The following LRRIQ1 variants were observed in gnomAD, a reference collection of about 807,000 sequenced individuals.
The protein encoded by LRRIQ1 is leucine-rich repeat- and IQ domain-containing protein 1.
LRRIQ1 carries 210 observed loss-of-function variants against 211.9 expected under a neutral mutation model. That is an observed-to-expected ratio of 0.99 (90% CI 0.89 to 1.11). The LOEUF (loss-of-function observed/expected upper bound fraction) is 1.11, where lower values mean the gene tolerates loss of function less well. LRRIQ1 is among the 50% of genes most tolerant of loss of function. The pLI, the probability that LRRIQ1 is intolerant of heterozygous loss-of-function variation, is 0.00. For synonymous variants in LRRIQ1, 699 were observed against 650.1 expected, an observed-to-expected ratio of 1.08 and a Z score of -1.14; for missense variants, 2,136 against 1,939.5, an observed-to-expected ratio of 1.10 and a Z score of -1.90.
intron 13 of LRRIQ1, among the ~76,000 whole-genome samples, chr12:85,102,944 C>CAAAAA (rs761217598): frequency 3.4e-5 from 3 of 87,752 alleles, no homozygotes; most frequent in African/African-American, 9.1e-5. Context: ...CTAATTGTGG[C>CAAAAA]AAAAAAAAAA....
chr12:85,104,124 T>C, intron 14 of LRRIQ1, 47 bp downstream of exon 14: 1 of 1,022,874 alleles, frequency 9.8e-7, no homozygotes, highest in Non-Finnish European at 1.3e-6. Context: ...CTTTTGACTT[T>C]CTGTTTCAAA....
At chr12:85,174,186 G>T (rs1355407738) in intron 24 of LRRIQ1, among the ~76,000 whole-genome samples, 1 of 151,838 alleles carries the variant, frequency 6.6e-6, no homozygotes, top group Non-Finnish European at 1.5e-5. Context: ...ATAAAAAAGG[G>T]TATGCCCATG....
At chr12:85,196,420 C>A (rs1358696862) in intron 24 of LRRIQ1, among the ~76,000 whole-genome samples, 4 of 151,520 alleles carry the variant, frequency 2.6e-5, no homozygotes, top group Non-Finnish European at 5.9e-5. Context: ...TACCTAACTT[C>A]AAACTATACT....
At chr12:85,073,128 C>A in intron 11 of LRRIQ1, 30 bp downstream of exon 11, 2 of 1,513,124 alleles carry the variant, frequency 1.3e-6, no homozygotes, top group Non-Finnish European at 1.8e-6. Flanking sequence ...TATTTTGTTA[C>A]TCTTTATGGA....
At chr12:85,235,492 C>T (rs1895134426) in intron 26 of LRRIQ1, among the ~76,000 whole-genome samples, 1 of 152,164 alleles carries the variant, frequency 6.6e-6, no homozygotes, top group Admixed American at 6.6e-5. Context: ...ACGGGGAAGA[C>T]CCTTTTGGGT....
chr12:85,040,500 A>G lies in LRRIQ1; in HGVS notation c.143A>G (p.Glu48Gly). 6.5e-7 allele frequency: 1 copy of G among 1,536,386 alleles called. No individual in the cohort carries two copies. Among genetic ancestry groups the G allele is most frequent in the Non-Finnish European group, 8.8e-7 (1 of 1,140,396 alleles). Residue 48 changes from glutamate to glycine, a missense_variant, in exon 3 of 27, where the codon GAA becomes GGA. By Grantham distance (98) the Glu-to-Gly change is moderately conservative. Coordinates refer to ENST00000393217, the MANE Select transcript of LRRIQ1 (RefSeq NM_001079910.2). ...QSDDSDTDSV[E>G]LPESVLHCIN... ...TATTCAAATTTTTAGGATTCAGTTG[A>G]ATTACCAGAATCAGTTCTTCACTGT...
intron 1 of LRRIQ1, among the ~76,000 whole-genome samples, chr12:85,037,180 T>G (rs550727306): frequency 6.7e-6 from 1 of 150,154 alleles, no homozygotes; most frequent in African/African-American, 2.4e-5. Flanking sequence ...GCACTTCTCT[T>G]TTGTTTTTAA....
intron 24 of LRRIQ1, among the ~76,000 whole-genome samples, chr12:85,174,915 G>A (rs1891615829): frequency 6.6e-6 from 1 of 151,684 alleles, no homozygotes; most frequent in Non-Finnish European, 1.5e-5. Flanking sequence ...TAAAACCAAG[G>A]ACAATGAAAC....
At chr12:85,172,317 G>A (rs1372643879) in intron 24 of LRRIQ1, among the ~76,000 whole-genome samples, 2 of 152,126 alleles carry the variant, frequency 1.3e-5, no homozygotes, top group Non-Finnish European at 2.9e-5. Context: ...CCAAGTCTCA[G>A]AGAATTACTA....
intron 24 of LRRIQ1, among the ~76,000 whole-genome samples, chr12:85,193,934 T>C (rs1178922259): frequency 1.3e-5 from 2 of 148,558 alleles, no homozygotes; most frequent in African/African-American, 5.0e-5. Flanking sequence ...ACCCATCTCA[T>C]GTGCAGAGAC....
chr12:85,095,384 G>A (rs1238790651), intron 11 of LRRIQ1, among the ~76,000 whole-genome samples: 1 of 152,056 alleles, frequency 6.6e-6, no homozygotes, highest in Non-Finnish European at 1.5e-5. Context: ...TATGATTTTT[G>A]TTTTTAATTC....
At chr12:85,084,006 T>C (rs984824026) in intron 11 of LRRIQ1, among the ~76,000 whole-genome samples, 6 of 152,198 alleles carry the variant, frequency 3.9e-5, no homozygotes, top group African/African-American at 1.4e-4. Flanking sequence ...ATTTTCTGTC[T>C]CCCAGATGAC....
chr12:85,251,012 A>G (rs1895928391), intron 1 of LRRIQ1, among the ~76,000 whole-genome samples: 1 of 122,786 alleles, frequency 8.1e-6, no homozygotes, highest in East Asian at 2.2e-4. Flanking sequence ...TAATATATAT[A>G]CCTTAAATTA....
downstream of LRRIQ1, among the ~76,000 whole-genome samples, chr12:85,265,994 A>G (rs1036546897): frequency 4.6e-5 from 7 of 152,174 alleles, no homozygotes; most frequent in South Asian, 8.3e-4. Flanking sequence ...TCTGCTAAAC[A>G]TAGTGAATAT....
chr12:85,115,842 C>T (rs1887530723), intron 15 of LRRIQ1, among the ~76,000 whole-genome samples: 1 of 151,930 alleles, frequency 6.6e-6, no homozygotes, highest in African/African-American at 2.4e-5. Context: ...ATAAAATATG[C>T]TTATAGTAAA....
chr12:85,197,738 T>A (rs1280556953), intron 24 of LRRIQ1, among the ~76,000 whole-genome samples: 1 of 150,652 alleles, frequency 6.6e-6, no homozygotes, highest in Non-Finnish European at 1.5e-5. Context: ...AGATGACGAG[T>A]TAGTGGGTGC....
chr12:85,131,337 A>T (rs1477726714), intron 18 of LRRIQ1, among the ~76,000 whole-genome samples: 1 of 151,964 alleles, frequency 6.6e-6, no homozygotes, highest in Non-Finnish European at 1.5e-5. Context: ...TGGAGACAGC[A>T]CCCAAGTCAC....
At chr12:85,255,199 T>TA (rs1896054289) in intron 1 of LRRIQ1, among the ~76,000 whole-genome samples, 1 of 151,830 alleles carries the variant, frequency 6.6e-6, no homozygotes, top group Non-Finnish European at 1.5e-5. Context: ...GATTTGATGA[T>TA]AAAAATGTAA....
intron 24 of LRRIQ1, among the ~76,000 whole-genome samples, chr12:85,180,904 A>G (rs1023419894): frequency 2.0e-5 from 3 of 151,608 alleles, no homozygotes; most frequent in Admixed American, 1.3e-4. Context: ...TAGTCAATCA[A>G]TTTTCAATGG....
Sources: allele counts gnomAD v4.1 joint callset (sites outside exome capture counted in the v4.1 genomes callset), GRCh38; gene constraint gnomAD v4.1.1; transcripts MANE v1.5; gene names NCBI Gene and HGNC (gene_info 2026-07-23, HGNC 2026-07-21).